CADM2: variants seen among roughly 807,000 people sequenced by gnomAD.
CADM2 encodes immunoglobulin superfamily member 4D.
A neutral mutation model predicts 49.8 loss-of-function variants in CADM2; 12 were observed. The ratio of observed to expected loss-of-function variants is 0.24; its 90% CI spans 0.15 to 0.39. The LOEUF is 0.39. Among genes scored for constraint, CADM2 ranks in the 10% least tolerant of loss-of-function variants. CADM2 has a pLI of 1.00. For synonymous variants in CADM2, 214 were observed against 175.4 expected (o/e 1.22, Z -1.74); for missense variants, 378 against 492.3 (o/e 0.77, Z 2.20).
At chr3:85,261,561 A>G (rs921391730) in intron 1 of CADM2, among the ~76,000 whole-genome samples, 4 of 152,070 alleles carry the variant, frequency 2.6e-5, no homozygotes, top group African/African-American at 9.7e-5. Flanking sequence ...TTCTCTTATG[A>G]AATATTTTCT....
At chr3:85,392,422 A>G (rs2034561467) in intron 1 of CADM2, among the ~76,000 whole-genome samples, 1 of 152,086 alleles carries the variant, frequency 6.6e-6, no homozygotes, top group South Asian at 2.1e-4. Flanking sequence ...AGCCCTCAAA[A>G]ATACCAATAT....
chr3:85,857,169 A>G (rs1251003734), intron 3 of CADM2, among the ~76,000 whole-genome samples: 4 of 152,128 alleles, frequency 2.6e-5, no homozygotes, highest in African/African-American at 7.2e-5. Context: ...TGCTAATCCC[A>G]TTCATAAGGG....
chr3:85,365,644 A>G (rs1042965143), intron 1 of CADM2, among the ~76,000 whole-genome samples: 4 of 152,152 alleles, frequency 2.6e-5, no homozygotes, highest in Admixed American at 6.6e-5. Flanking sequence ...ATTTACCTGT[A>G]GAAAGGTAGG....
At chr3:85,669,878 G>A (rs2065684075) in intron 1 of CADM2, among the ~76,000 whole-genome samples, 1 of 151,940 alleles carries the variant, frequency 6.6e-6, no homozygotes, top group South Asian at 2.1e-4. Flanking sequence ...TGTTGTCGTT[G>A]TCGTTAAACC....
intron 1 of CADM2, among the ~76,000 whole-genome samples, chr3:85,332,395 A>C (rs2044953391): frequency 1.3e-5 from 2 of 152,036 alleles, no homozygotes; most frequent in South Asian, 4.1e-4. Context: ...GGGAGATCAG[A>C]GCTTATTAAA....
chr3:85,355,407 C>T (rs972919342), intron 1 of CADM2, among the ~76,000 whole-genome samples: 1 of 152,088 alleles, frequency 6.6e-6, no homozygotes, highest in Non-Finnish European at 1.5e-5. Flanking sequence ...TCTAGGTCCC[C>T]TTGGCTTAGA....
At chr3:85,138,749 G>C (rs879543361) in intron 1 of CADM2, among the ~76,000 whole-genome samples, 1 of 152,172 alleles carries the variant, frequency 6.6e-6, no homozygotes, top group Non-Finnish European at 1.5e-5. Flanking sequence ...TCCTGGAGGA[G>C]ACAGCACAAT....
chr3:85,499,565 A>G (rs1022829646), intron 1 of CADM2, among the ~76,000 whole-genome samples: 2 of 151,458 alleles, frequency 1.3e-5, no homozygotes, highest in Admixed American at 1.3e-4. Context: ...TTATTAAATA[A>G]TCTATCAAGT....
chr3:85,241,395 C>T (rs985180965), intron 1 of CADM2, among the ~76,000 whole-genome samples: 6 of 151,538 alleles, frequency 4.0e-5, no homozygotes, highest in East Asian at 1.9e-4. Context: ...ATACAAGGTA[C>T]GTGTTTTTAA....
intron 1 of CADM2, among the ~76,000 whole-genome samples, chr3:85,290,339 C>A (rs943408177): frequency 7.9e-5 from 12 of 152,174 alleles, no homozygotes; most frequent in African/African-American, 2.7e-4. Context: ...GATCAAACTG[C>A]AAGGCCGCAG....
rs572108465 is a variant in CADM2, at chr3:85,275,639, C to A, written c.61+315971C>A. ...ATTTTTTCCATTGATCTGGCTTCTG[C>A]TCTCAAATTGTTACAATTGCATATT... is the stretch of plus-strand genomic sequence containing the variant. On this transcript the variant is annotated intron_variant, in intron 1 of 9. Transcript: ENST00000383699. 2.0e-5 allele frequency among the ~76,000 whole-genome samples: 3 copies of A among 151,280 alleles called. No homozygotes were observed. In the East Asian group the frequency reaches 5.8e-4, roughly 29 times the overall value.
chr3:85,898,955 A>AT (rs35857247), intron 5 of CADM2, among the ~76,000 whole-genome samples: 6,817 of 34,148 alleles, frequency 0.2, 2,353 homozygotes, highest in Non-Finnish European at 0.27. Context: ...ATATATATAT[A>AT]TTTTTTTTTT....
chr3:86,033,696 A>G (rs1734815629), intron 8 of CADM2, among the ~76,000 whole-genome samples: 1 of 144,616 alleles, frequency 6.9e-6, no homozygotes, highest in African/African-American at 2.5e-5. Context: ...TGAGATAGTT[A>G]TTTGTTTTAT....
intron 1 of CADM2, among the ~76,000 whole-genome samples, chr3:84,986,822 C>T (rs914368249): frequency 6.6e-6 from 1 of 151,636 alleles, no homozygotes; most frequent in Non-Finnish European, 1.5e-5. Context: ...GAGCTTGAGG[C>T]GGGTGGATCA....
intron 2 of CADM2, among the ~76,000 whole-genome samples, chr3:85,759,784 G>A (rs58770804): frequency 0.04 from 6,119 of 152,104 alleles, 390 homozygotes; most frequent in African/African-American, 0.14. Flanking sequence ...AACAGTCTCT[G>A]CCATACTGGG....
intron 1 of CADM2, among the ~76,000 whole-genome samples, chr3:85,575,417 G>T (rs1576843858): frequency 6.6e-6 from 1 of 152,166 alleles, no homozygotes; most frequent in Non-Finnish European, 1.5e-5. Context: ...CTTGCGTGGT[G>T]GCGGGCATCT....
chr3:86,005,773 ATAG>A (rs1386856015), intron 8 of CADM2, among the ~76,000 whole-genome samples: 1 of 152,124 alleles, frequency 6.6e-6, no homozygotes, highest in Non-Finnish European at 1.5e-5. Context: ...GTGCTGTCAA[ATAG>A]TAGGTCTTTG....
At position 85,920,890 on chromosome 3, in the gene CADM2, A is replaced by G. The variant is rs554444845; in HGVS notation, c.700+8347A>G. Among the ~76,000 whole-genome samples the G allele has an allele frequency of 5.9e-5, 9 of 151,676 alleles. 1 individual carries two copies. The highest frequency in any genetic ancestry group is 2.2e-4 in the African/African-American group (9 of 41,548). ...AATGTATATATAAAATTAATATAAC[A>G]TACTCTCAAATTTCCTAATTAAGCT... is the stretch of plus-strand genomic sequence containing the variant. On this transcript the variant is annotated intron_variant, in intron 6 of 9. Transcript: ENST00000383699.
At chr3:85,568,332 T>A (rs1274948118) in intron 1 of CADM2, among the ~76,000 whole-genome samples, 1 of 152,112 alleles carries the variant, frequency 6.6e-6, no homozygotes, top group Non-Finnish European at 1.5e-5. Flanking sequence ...AGGGTAGAAG[T>A]AGGGAGAGAA....
Sources: allele counts gnomAD v4.1 joint callset (sites outside exome capture counted in the v4.1 genomes callset), GRCh38; gene constraint gnomAD v4.1.1; transcripts MANE v1.5; gene names NCBI Gene and HGNC (gene_info 2026-07-23, HGNC 2026-07-21).